PIK3R4: variants seen among roughly 807,000 people sequenced by gnomAD.
The protein encoded by PIK3R4 is phosphoinositide-3-kinase regulatory subunit 4, also known as phosphoinositide 3-kinase regulatory subunit 4.
Under a neutral mutation model 136.5 loss-of-function variants are expected in PIK3R4, and 46 were observed. The ratio of observed to expected loss-of-function variants is 0.34; its 90% confidence interval spans 0.27 to 0.43. PIK3R4 has a LOEUF of 0.43. Among genes scored for constraint, PIK3R4 ranks in the 20% least tolerant of loss-of-function variants. PIK3R4 has a pLI of 1.00. For missense variants in PIK3R4, 1,331 were observed against 1,649.5 expected (o/e 0.81, Z 3.35); for synonymous variants, 557 against 566.7 (o/e 0.98, Z 0.24).
rs374505373 is a variant in PIK3R4, at chr3:130,708,457, T to C, written c.2367A>G (p.Ala789=). ...TAGATTTCATCATGAAGTCTTTCAGTGCCAGAAGTTTGTCTTCCTCTTCCT... is the reference window on the plus strand; with the variant it reads ...TAGATTTCATCATGAAGTCTTTCAGCGCCAGAAGTTTGTCTTCCTCTTCCT... ...MTEEEEDKLL[A]LKDFMMKSNK... is the part of the protein sequence containing the mutation. The change falls in exon 10 of 20, where the codon GCA becomes GCG. Residue 789 remains alanine, a synonymous_variant. Transcript: ENST00000356763. 19 of 1,613,298 alleles carry C rather than the reference T, an allele frequency of 1.2e-5. No homozygotes were observed. In the African/African-American group the frequency reaches 1.2e-4, roughly 10 times the overall value.
At chr3:130,722,009 C>T (rs1333362882) in intron 7 of PIK3R4, among the ~76,000 whole-genome samples, 1 of 151,820 alleles carries the variant, frequency 6.6e-6, no homozygotes, top group Non-Finnish European at 1.5e-5. Context: ...AATATACTAT[C>T]TTTATTTGTT....
At chr3:130,727,966 TCA>T (rs2066742368) in intron 6 of PIK3R4, among the ~76,000 whole-genome samples, 1 of 139,990 alleles carries the variant, frequency 7.1e-6, no homozygotes, top group African/African-American at 3.0e-5. Flanking sequence ...GCTTAAATTT[TCA>T]CAAATTTTCA....
At chr3:130,710,996 C>A (rs2066629703) in intron 9 of PIK3R4, among the ~76,000 whole-genome samples, 2 of 143,472 alleles carry the variant, frequency 1.4e-5, no homozygotes, top group Non-Finnish European at 1.5e-5. Flanking sequence ...CAAGGATAGC[C>A]AAGAATATCT....
At position 130,744,838 on chromosome 3, in the gene PIK3R4, C is replaced by T; in HGVS notation, c.381G>A (p.Trp127Ter). 6.2e-7 allele frequency: 1 copy of T among 1,614,214 alleles called. No homozygotes were observed. The highest frequency in any genetic ancestry group is 8.5e-7 in the Non-Finnish European group (1 of 1,180,044). The stretch of plus-strand genomic sequence containing the variant: ...CAGCTGTCAGGATCTGGAAAGCAAT[C>T]CAGCGCTTCTCAATGTTATTCAAGA... Reference protein sequence around the residue: ...RPFLNNIEKRWIAFQILTAVD... With the variant: ...RPFLNNIEKR The change falls in exon 2 of 20, where the codon TGG becomes TGA. Residue 127 changes from tryptophan to a stop codon, truncating the protein, a stop_gained. Transcript: ENST00000356763. LOFTEE classifies it high-confidence loss of function.
At chr3:130,693,490 G>A (rs1464130332) in intron 13 of PIK3R4, among the ~76,000 whole-genome samples, 1 of 152,100 alleles carries the variant, frequency 6.6e-6, no homozygotes, top group Non-Finnish European at 1.5e-5. Context: ...TATAGCCATT[G>A]TAGTGGGTGT....
At chr3:130,701,658 T>C (rs1421111448) in intron 13 of PIK3R4, among the ~76,000 whole-genome samples, 1 of 152,166 alleles carries the variant, frequency 6.6e-6, no homozygotes, top group Non-Finnish European at 1.5e-5. Flanking sequence ...GGATTCAGGA[T>C]ACAGTGGTAT....
At chr3:130,732,632 A>G (rs1559830073) in intron 4 of PIK3R4, among the ~76,000 whole-genome samples, 1 of 152,202 alleles carries the variant, frequency 6.6e-6, no homozygotes, top group African/African-American at 2.4e-5. Flanking sequence ...AGAGATAAAC[A>G]TAAATAAAAA....
chr3:130,681,038 A>G lies in PIK3R4; in HGVS notation c.3736T>C (p.Tyr1246His). 1 of 1,596,518 alleles carries G rather than the reference A, an allele frequency of 6.3e-7. No homozygotes were observed. Among genetic ancestry groups the G allele is most frequent in the South Asian group, 1.1e-5 (1 of 90,668 alleles). Residue 1246 changes from tyrosine to histidine, a missense_variant, in exon 18 of 20, where the codon TAC becomes CAC. Tyr to His is a moderately conservative substitution (Grantham distance 83). This residue lies in a region of PIK3R4 where 1,180 missense variants were observed against 1,407.0 expected (regional missense o/e 0.84). Coordinates refer to ENST00000356763, the MANE Select transcript of PIK3R4 (RefSeq NM_014602.3). The stretch of plus-strand genomic sequence containing the variant: ...GGATTTCCATCTGCAGGACTACAGT[A>G]GATACCATGGACGCTATGAGGAGAA... ...QPSPHSVHGI[Y>H]CSPADGNPIL...
Position 130,703,816 on chromosome 3 carries a change from G to A in PIK3R4, c.3005C>T (p.Ser1002Phe), listed in dbSNP as rs781377774. 25 of 1,612,204 alleles carry A rather than the reference G, an allele frequency of 1.6e-5. No individual in the cohort carries two copies. The highest frequency in any genetic ancestry group is 1.9e-5 in the Non-Finnish European group (22 of 1,178,432). The change falls in exon 13 of 20, where the codon TCT (serine) becomes TTT (phenylalanine). Residue 1002 changes from serine to phenylalanine, a missense_variant. Ser to Phe is a radical substitution (Grantham distance 155). Around this residue, in one of 2 missense-constraint regions of PIK3R4, gnomAD observed 1,180 missense variants for 1,407.0 expected, o/e 0.84. Coordinates refer to ENST00000356763, the MANE Select transcript of PIK3R4 (RefSeq NM_014602.3). ...HKSAVNRIRV[S>F]DEHSLFATCS... ...TGTTGCAAAAAGTGAGTGTTCATCA[G>A]AGACTCTAATTCGATTCACAGCAGA... is the stretch of plus-strand genomic sequence containing the variant.
chr3:130,737,014 T>C (rs74797169), intron 2 of PIK3R4, among the ~76,000 whole-genome samples: 2,964 of 152,294 alleles, frequency 0.019, 97 homozygotes, highest in African/African-American at 0.068. Flanking sequence ...CTGAAATCAT[T>C]ACATGACAGG....
chr3:130,738,556 T>C (rs950250179), intron 2 of PIK3R4, among the ~76,000 whole-genome samples: 3 of 152,124 alleles, frequency 2.0e-5, no homozygotes, highest in African/African-American at 7.2e-5. Context: ...GACAATCTAA[T>C]GGCAACGAGC....
rs1340016374 is a variant in PIK3R4, at chr3:130,679,396, G to A, written c.3996C>T (p.Ile1332=). ...TGGTCTGGAATGTGGCGACATCAGTGATGATGTCATGATGTCCCACGGGCA... is the reference window on the plus strand; with the variant it reads ...TGGTCTGGAATGTGGCGACATCAGTAATGATGTCATGATGTCCCACGGGCA... ...ESLPVGHHDI[I]TDVATFQTTQ... Residue 1332 remains isoleucine, a synonymous_variant, in exon 20 of 20, where the codon ATC becomes ATT. Coordinates refer to ENST00000356763, the MANE Select transcript of PIK3R4 (RefSeq NM_014602.3). 4.4e-6 allele frequency: 7 copies of A among 1,606,128 alleles called. No individual in the cohort carries two copies. The African/African-American group carries it at 8.0e-5, about 18-fold the overall frequency.
intron 9 of PIK3R4, among the ~76,000 whole-genome samples, chr3:130,714,331 C>A (rs921226314): frequency 6.6e-6 from 1 of 152,082 alleles, no homozygotes; most frequent in African/African-American, 2.4e-5. Flanking sequence ...CATTTTTATT[C>A]CTATCTTGGC....
intron 2 of PIK3R4, among the ~76,000 whole-genome samples, chr3:130,739,615 G>GC (rs2066809025): frequency 6.6e-6 from 1 of 150,920 alleles, no homozygotes; most frequent in South Asian, 2.1e-4. Flanking sequence ...TCAAGAATCT[G>GC]CCCACCTCAG....
At chr3:130,690,913 T>TTTC (rs1559820703) in intron 13 of PIK3R4, among the ~76,000 whole-genome samples, 1 of 147,512 alleles carries the variant, frequency 6.8e-6, no homozygotes. Context: ...TTTTTTTTTT[T>TTTC]CTGAGACAGG....
Position 130,703,744 on chromosome 3 carries a change from T to C in PIK3R4, c.3077A>G (p.Glu1026Gly), listed in dbSNP as rs763891655. ...TVKIWNSQKM[E>G]GKTTTTRSIL... Reference sequence around the variant, plus strand: ...GTACCTGGTAGTGGTGGTCTTCCCCTCCATCTTTTGACTGTTCCAGATTTT... The same window carrying C: ...GTACCTGGTAGTGGTGGTCTTCCCCCCCATCTTTTGACTGTTCCAGATTTT... The change falls in exon 13 of 20, where the codon GAG (glutamate) becomes GGG (glycine). Residue 1026 changes from glutamate (E) to glycine (G), a missense_variant. Transcript: ENST00000356763. 4 of 1,612,752 alleles carry C rather than the reference T, an allele frequency of 2.5e-6. No homozygotes were observed. Among genetic ancestry groups the C allele is most frequent in the Non-Finnish European group, 3.4e-6 (4 of 1,178,888 alleles).
chr3:130,723,513 C>T lies in PIK3R4; in HGVS notation c.1882G>A (p.Glu628Lys), dbSNP rs1486248209. ...PLLQQGLSDAEEFVIVKALYA... is the reference protein window; with the variant it reads ...PLLQQGLSDAKEFVIVKALYA... Reference sequence around the variant, plus strand: ...AGAGCTTTCACAATGACAAATTCCTCAGCATCACTAAGACCTTGTTGCAGC... The same window carrying T: ...AGAGCTTTCACAATGACAAATTCCTTAGCATCACTAAGACCTTGTTGCAGC... Residue 628 changes from glutamate to lysine, a missense_variant, in exon 7 of 20, where the codon GAG (glutamate) becomes AAG (lysine). Transcript: ENST00000356763. The T allele has an allele frequency of 6.2e-7, 1 of 1,614,086 alleles. No homozygotes were observed. The highest frequency in any genetic ancestry group is 8.5e-7 in the Non-Finnish European group (1 of 1,179,980).
chr3:130,744,350 T>G (rs989259948), intron 2 of PIK3R4, 136 bp downstream of exon 2: 1 of 913,586 alleles, frequency 1.1e-6, no homozygotes, highest in Non-Finnish European at 1.7e-6. Context: ...GAATGCTGCC[T>G]CTAACTGAAA....
intron 9 of PIK3R4, among the ~76,000 whole-genome samples, chr3:130,713,528 A>T (rs1354321601): frequency 1.3e-5 from 2 of 152,174 alleles, no homozygotes; most frequent in African/African-American, 2.4e-5. Context: ...AAGGCTATGG[A>T]AACTGTTCCT....
Sources: allele counts gnomAD v4.1 joint callset (sites outside exome capture counted in the v4.1 genomes callset), GRCh38; gene constraint gnomAD v4.1.1; regional missense constraint gnomAD v4.1.1; transcripts MANE v1.5; gene names NCBI Gene and HGNC (gene_info 2026-07-23, HGNC 2026-07-21).